The following SEMA3A variants were observed in gnomAD, a reference collection of about 807,000 sequenced individuals.
SEMA3A encodes the protein semaphorin 3A.
Under a neutral mutation model 97.9 loss-of-function variants are expected in SEMA3A, and 29 were observed. That is an observed-to-expected ratio of 0.30 (90% confidence interval 0.22 to 0.40). The LOEUF (loss-of-function observed/expected upper bound fraction) is 0.40, where lower values mean the gene tolerates loss of function less well. Among genes scored for constraint, SEMA3A ranks in the 10% least tolerant of loss-of-function variants. The pLI, the probability that SEMA3A is intolerant of heterozygous loss-of-function variation, is 1.00. For missense variants in SEMA3A, 763 were observed against 951.3 expected (o/e 0.80, Z 2.60); for synonymous variants, 321 against 323.7 (o/e 0.99, Z 0.09).
At chr7:84,203,526 A>ATATATATATATATATATTTTT (rs372380784) in intron 3 of SEMA3A, among the ~76,000 whole-genome samples, 1 of 25,656 alleles carries the variant, frequency 3.9e-5, no homozygotes, top group Non-Finnish European at 7.1e-5. Flanking sequence ...ATATATATAT[A>ATATATATATATATATATTTTT]TTTTTTTTTT....
intron 4 of SEMA3A, among the ~76,000 whole-genome samples, chr7:84,102,821 T>A (rs7795376): frequency 0.33 from 49,419 of 151,566 alleles, 8,862 homozygotes; most frequent in African/African-American, 0.49. Context: ...CCTCAAATGA[T>A]CCGCCCACCT....
At chr7:84,290,514 A>G (rs1338989350) in intron 3 of SEMA3A, among the ~76,000 whole-genome samples, 2 of 152,096 alleles carry the variant, frequency 1.3e-5, no homozygotes, top group East Asian at 3.9e-4. Context: ...GGATTCACAC[A>G]GCTGAAGCTT....
chr7:83,965,921 C>T (rs1009069451), intron 15 of SEMA3A, among the ~76,000 whole-genome samples: 5 of 150,136 alleles, frequency 3.3e-5, no homozygotes, highest in African/African-American at 1.2e-4. Context: ...CCTCGTGATC[C>T]GCCCACCTCA....
Position 84,110,699 on chromosome 7 carries a change from T to C in SEMA3A, c.334-110A>G, listed in dbSNP as rs1990045. The C allele has an allele frequency of 0.56, 691,706 of 1,241,620 alleles. 202,248 individuals carry two copies. Among genetic ancestry groups the C allele is most frequent in the East Asian group, 0.71 (29,215 of 41,098 alleles). 76.9% of individuals were successfully genotyped at this position (1,241,620 alleles called of 1,614,324 possible). On this transcript the variant is annotated intron_variant, in intron 3 of 16. Coordinates refer to ENST00000265362, the MANE Select transcript of SEMA3A (RefSeq NM_006080.3). ...TTTGTCTTTTGTTTTCTTTCTTTTT[T>C]TTTTTTTGGCATCCCTTTCACAACA... is the stretch of plus-strand genomic sequence containing the variant.
intron 3 of SEMA3A, among the ~76,000 whole-genome samples, chr7:84,254,415 G>A (rs1799671357): frequency 6.6e-6 from 1 of 152,196 alleles, no homozygotes; most frequent in African/African-American, 2.4e-5. Flanking sequence ...TTGAATGTGA[G>A]TGAAACTCAC....
rs1584222766 is a variant in SEMA3A at position 84,306,166 on chromosome 7, T to C, written c.-83+1041A>G. Among the ~76,000 whole-genome samples the C allele has an allele frequency of 2.0e-5, 3 of 151,908 alleles. No homozygotes were observed. In the South Asian group the frequency reaches 6.2e-4, roughly 32 times the overall value. On this transcript the variant is annotated intron_variant, in intron 3 of 3. Coordinates refer to the SEMA3A transcript ENST00000424555. ...TAAATTTTTGCCTTATATGATGTGA[T>C]AAATTTTTTTTGTGTATGTAAATGA...
chr7:84,431,151 T>C (rs12539068), intron 1 of SEMA3A, among the ~76,000 whole-genome samples: 11,103 of 152,094 alleles, frequency 0.073, 423 homozygotes, highest in East Asian at 0.12. Context: ...ATTTAGAGAA[T>C]TGATTTCTCC....
intron 2 of SEMA3A, among the ~76,000 whole-genome samples, chr7:84,335,034 A>G (rs1355754790): frequency 6.6e-6 from 1 of 152,168 alleles, no homozygotes; most frequent in Non-Finnish European, 1.5e-5. Flanking sequence ...ATTTTCTACT[A>G]TAAATGCTTT....
At chr7:84,347,160 C>T (rs1802318820) in intron 2 of SEMA3A, among the ~76,000 whole-genome samples, 1 of 152,154 alleles carries the variant, frequency 6.6e-6, no homozygotes, top group South Asian at 2.1e-4. Context: ...CAGATTGCCT[C>T]ATACCCAGGG....
At chr7:84,236,433 T>G (rs557890040) in intron 3 of SEMA3A, among the ~76,000 whole-genome samples, 2 of 152,244 alleles carry the variant, frequency 1.3e-5, no homozygotes, top group South Asian at 4.1e-4. Flanking sequence ...TCATCAGTAT[T>G]AATTCGCTAA....
intron 1 of SEMA3A, among the ~76,000 whole-genome samples, chr7:84,150,280 C>T (rs1458559471): frequency 1.3e-5 from 2 of 152,158 alleles, no homozygotes; most frequent in Admixed American, 1.3e-4. Flanking sequence ...CAGCTCCCAG[C>T]GTGAGCGACG....
chr7:84,458,704 A>C (rs1206621970), intron 1 of SEMA3A, among the ~76,000 whole-genome samples: 2 of 152,018 alleles, frequency 1.3e-5, no homozygotes, highest in Non-Finnish European at 2.9e-5. Context: ...AGTTGATCAT[A>C]TTTCGGTGGT....
intron 1 of SEMA3A, among the ~76,000 whole-genome samples, chr7:84,398,329 T>C (rs914614161): frequency 3.0e-4 from 45 of 152,306 alleles, no homozygotes; most frequent in African/African-American, 1.0e-3. Context: ...AAATGTCTGG[T>C]GCTTTTTCTT....
intron 6 of SEMA3A, among the ~76,000 whole-genome samples, chr7:84,032,492 T>C (rs1447735260): frequency 1.3e-5 from 2 of 152,176 alleles, no homozygotes; most frequent in Non-Finnish European, 2.9e-5. Context: ...ATTAGCAGTT[T>C]CTATGGCTTT....
rs12334044 is a variant in SEMA3A, at chr7:84,169,679, A to G, written c.112+24796T>C. On this transcript the variant is annotated intron_variant, in intron 1 of 16. Coordinates refer to ENST00000265362, the MANE Select transcript of SEMA3A (RefSeq NM_006080.3). ...AATACCATTTCTTTGTTGTTAGATC[A>G]CCATAGATAGTCTACAATTAATCAA... Among the ~76,000 whole-genome samples the G allele has an allele frequency of 9.2e-3, 1,402 of 151,670 alleles. 27 individuals carry two copies. Among genetic ancestry groups the G allele is most frequent in the African/African-American group, 0.032 (1,338 of 41,514 alleles).
rs202005657 is a variant in SEMA3A, at chr7:84,316,130, C to CAA, written c.-168-8840_-168-8839dup. The stretch of plus-strand genomic sequence containing the variant: ...TGCACAATATAGGAAGACTCTATCT[C>CAA]AAAAAAAAAAAAAAAAAAAAAAAAA... On this transcript the variant is annotated intron_variant, in intron 2 of 3. Coordinates refer to the SEMA3A transcript ENST00000424555. Among the ~76,000 whole-genome samples the CAA allele has an allele frequency of 4.8e-3, 144 of 30,216 alleles. 17 individuals carry two copies. The highest frequency in any genetic ancestry group is 7.8e-3 in the Non-Finnish European group (105 of 13,528). 19.8% of individuals were successfully genotyped at this position (30,216 alleles called of 152,430 possible).
At chr7:84,061,555 T>A (rs1008681545) in intron 4 of SEMA3A, among the ~76,000 whole-genome samples, 2 of 152,168 alleles carry the variant, frequency 1.3e-5, no homozygotes, top group African/African-American at 2.4e-5. Context: ...TGAAATAAAA[T>A]AGCTTTTTAT....
At chr7:84,253,148 G>T (rs989685825) in intron 3 of SEMA3A, among the ~76,000 whole-genome samples, 1 of 152,186 alleles carries the variant, frequency 6.6e-6, no homozygotes, top group African/African-American at 2.4e-5. Context: ...AAAGTGCAGA[G>T]ATTACGGGCA....
intron 4 of SEMA3A, among the ~76,000 whole-genome samples, chr7:84,082,654 A>T (rs1794202379): frequency 1.3e-5 from 2 of 152,082 alleles, no homozygotes. Context: ...GGTCCTTTTA[A>T]AGGGTTGATT....
Sources: allele counts gnomAD v4.1 joint callset (sites outside exome capture counted in the v4.1 genomes callset), GRCh38; gene constraint gnomAD v4.1.1; transcripts MANE v1.5; gene names NCBI Gene and HGNC (gene_info 2026-07-23, HGNC 2026-07-21).